IFT43: variants seen among roughly 807,000 people sequenced by gnomAD.
IFT43 encodes intraflagellar transport 43, also known as intraflagellar transport protein 43 homolog.
A neutral mutation model predicts 32.3 loss-of-function variants in IFT43; 33 were observed. That is an observed-to-expected ratio of 1.02 (90% CI 0.77 to 1.37). The LOEUF is 1.37. IFT43 is among the 40% of genes most tolerant of loss of function. The pLI, the probability that IFT43 is intolerant of heterozygous loss-of-function variation, is 0.00. For synonymous variants in IFT43, 93 were observed against 98.2 expected (o/e 0.95, Z 0.31); for missense variants, 274 against 265.9 (o/e 1.03, Z -0.21).
chr14:75,988,136 A>G (rs376006168), intron 1 of IFT43, among the ~76,000 whole-genome samples: 1 of 152,170 alleles, frequency 6.6e-6, no homozygotes, highest in African/African-American at 2.4e-5. Context: ...AGAAAATAGA[A>G]TTTTCTTTTG....
intron 5 of IFT43, among the ~76,000 whole-genome samples, chr14:76,068,823 A>G (rs561238809): frequency 6.6e-6 from 1 of 152,332 alleles, no homozygotes; most frequent in South Asian, 2.1e-4. Flanking sequence ...CAACCCCTTG[A>G]TGAATATTGC....
At chr14:76,030,753 A>G (rs1008451722) in intron 3 of IFT43, among the ~76,000 whole-genome samples, 2 of 152,178 alleles carry the variant, frequency 1.3e-5, no homozygotes, top group African/African-American at 4.8e-5. Context: ...TAAGATATCA[A>G]TTTAATACAC....
intron 2 of IFT43, among the ~76,000 whole-genome samples, chr14:76,014,768 A>G (rs1421349971): frequency 6.6e-6 from 1 of 152,158 alleles, no homozygotes; most frequent in Admixed American, 6.5e-5. Flanking sequence ...ATAATGCCCC[A>G]GTGAAAACCA....
intron 3 of IFT43, among the ~76,000 whole-genome samples, chr14:76,039,324 C>G (rs371622707): frequency 6.6e-6 from 1 of 152,116 alleles, no homozygotes; most frequent in African/African-American, 2.4e-5. Context: ...ATACTCGCCA[C>G]GTTTTTAAAT....
intron 5 of IFT43, chr14:76,076,832 T>A: frequency 1.1e-6 from 1 of 891,664 alleles, no homozygotes; most frequent in South Asian, 1.4e-5. Flanking sequence ...TGCCCTCACA[T>A]CCAACAGCTC....
intron 3 of IFT43, among the ~76,000 whole-genome samples, chr14:76,036,641 G>T (rs910920673): frequency 3.3e-5 from 5 of 152,082 alleles, no homozygotes; most frequent in Admixed American, 6.5e-5. Flanking sequence ...CTGACCTCAG[G>T]TGATCCTCCT....
At chr14:75,999,642 T>A (rs2035845282) in intron 2 of IFT43, among the ~76,000 whole-genome samples, 1 of 151,830 alleles carries the variant, frequency 6.6e-6, no homozygotes, top group Non-Finnish European at 1.5e-5. Context: ...TGCCTAGGAG[T>A]TAGGGAAGGC....
At chr14:76,067,351 AG>A (rs2037242067) in intron 5 of IFT43, among the ~76,000 whole-genome samples, 2 of 152,152 alleles carry the variant, frequency 1.3e-5, no homozygotes, top group African/African-American at 4.8e-5. Flanking sequence ...GGATCACCTG[AG>A]GTCAGGAGTT....
At chr14:75,989,053 G>C (rs2035587384) in intron 2 of IFT43, 76 bp downstream of exon 2, 2 of 1,550,166 alleles carry the variant, frequency 1.3e-6, no homozygotes, top group Non-Finnish European at 1.8e-6. Flanking sequence ...CAAGGATTTG[G>C]TATTCCATAT....
intron 5 of IFT43, among the ~76,000 whole-genome samples, chr14:76,076,140 A>G (rs1435601184): frequency 6.6e-6 from 1 of 152,230 alleles, no homozygotes; most frequent in African/African-American, 2.4e-5. Context: ...TGAGTGGGAA[A>G]GAAATTTGGG....
chr14:76,029,422 C>T (rs2036465268), intron 3 of IFT43, among the ~76,000 whole-genome samples: 1 of 152,142 alleles, frequency 6.6e-6, no homozygotes, highest in Non-Finnish European at 1.5e-5. Context: ...TTTGTTTACC[C>T]TGTTGATAGT....
At position 76,083,144 on chromosome 14, in the gene IFT43, A is replaced by G. The variant is rs374527084; in HGVS notation, c.445-83A>G. 2,064 of 1,517,498 alleles carry G rather than the reference A, an allele frequency of 1.4e-3. 5 individuals are homozygous for G. Among genetic ancestry groups the G allele is most frequent in the Admixed American group, 2.2e-3 (130 of 59,292 alleles). 94.0% of individuals were successfully genotyped at this position (1,517,498 alleles called of 1,614,324 possible). A position where few individuals can be genotyped will look rare whatever the true frequency, so the allele number is the denominator to read the frequency against. On this transcript the variant is annotated intron_variant, in intron 7 of 8. Transcript: ENST00000314067. The stretch of plus-strand genomic sequence containing the variant: ...CAGTTTGGGAAGTTCTGACACACAA[A>G]AACTGATCCCGGTTTTGTGAGAAAG...
chr14:76,021,901 G>C (rs976490551), intron 2 of IFT43, among the ~76,000 whole-genome samples: 10 of 152,192 alleles, frequency 6.6e-5, no homozygotes, highest in African/African-American at 1.9e-4. Context: ...TATTCAAAAG[G>C]TAGGCTGAAT....
intron 5 of IFT43, among the ~76,000 whole-genome samples, chr14:76,071,265 T>C (rs1410332831): frequency 1.3e-5 from 2 of 152,182 alleles, no homozygotes; most frequent in Non-Finnish European, 1.5e-5. Context: ...AAATCATTCT[T>C]GTAGGAAATA....
intron 3 of IFT43, among the ~76,000 whole-genome samples, chr14:76,040,096 G>A (rs2036679042): frequency 6.6e-6 from 1 of 152,138 alleles, no homozygotes; most frequent in Non-Finnish European, 1.5e-5. Context: ...GGGACTGCAG[G>A]TGTGTGTCAC....
At chr14:76,048,409 A>G (rs1367875294) in intron 3 of IFT43, among the ~76,000 whole-genome samples, 3 of 152,250 alleles carry the variant, frequency 2.0e-5, no homozygotes, top group Non-Finnish European at 4.4e-5. Flanking sequence ...GAATGATTAG[A>G]GAGGCCAACC....
chr14:76,070,640 G>A (rs560978594), intron 5 of IFT43, among the ~76,000 whole-genome samples: 1 of 152,254 alleles, frequency 6.6e-6, no homozygotes, highest in Non-Finnish European at 1.5e-5. Flanking sequence ...CCCCAGTATT[G>A]GAGGTGGGGC....
intron 2 of IFT43, among the ~76,000 whole-genome samples, chr14:75,997,729 A>G (rs2035773808): frequency 6.6e-6 from 1 of 151,780 alleles, no homozygotes; most frequent in South Asian, 2.1e-4. Context: ...ATAGAATTCT[A>G]TTAGAAAATA....
At position 76,047,249 on chromosome 14, in the gene IFT43, G is replaced by C. The variant is rs201417794; in HGVS notation, c.216-11393G>C. On this transcript the variant is annotated intron_variant, in intron 3 of 8. Transcript: ENST00000314067. ...GGCTTCAAGCTAGTTGTTTAAATTGGGGCCTGAGATTAGAGCTCAGCACGT... is the reference window on the plus strand; with the variant it reads ...GGCTTCAAGCTAGTTGTTTAAATTGCGGCCTGAGATTAGAGCTCAGCACGT... Among the ~76,000 whole-genome samples, 37 of 152,262 alleles carry C rather than the reference G, an allele frequency of 2.4e-4. No individual in the cohort carries two copies. In the East Asian group the frequency reaches 7.1e-3, roughly 29 times the overall value.
Sources: gnomAD v4.1 joint callset for allele counts (sites outside exome capture counted in the v4.1 genomes callset) on GRCh38, gnomAD v4.1.1 for gene constraint, MANE v1.5 for transcripts, NCBI Gene and HGNC (gene_info 2026-07-23, HGNC 2026-07-21) for gene names.